MOK: variants seen among roughly 807,000 people sequenced by gnomAD.
The protein encoded by MOK is MAPK/MAK/MRK overlapping kinase.
Under a neutral mutation model 54.2 loss-of-function variants are expected in MOK, and 59 were observed. The observed-to-expected ratio is 1.09, with a 90% confidence interval of 0.88 to 1.35. The LOEUF (loss-of-function observed/expected upper bound fraction) is 1.35, where lower values mean the gene tolerates loss of function less well. Ranked by LOEUF, MOK falls within the 40% of genes most tolerant of loss-of-function variation. The pLI is 0.00. For synonymous variants in MOK, 210 were observed against 202.7 expected (o/e 1.04, Z -0.31); for missense variants, 517 against 526.2 (o/e 0.98, Z 0.17).
chr14:102,303,560 A>G (rs967028944), intron 1 of MOK, among the ~76,000 whole-genome samples: 2 of 152,204 alleles, frequency 1.3e-5, no homozygotes, highest in Admixed American at 6.5e-5. Flanking sequence ...AATATAAACA[A>G]CTATAACACA....
At chr14:102,234,036 T>TTCCCCAATATAAACCCCTCAA (rs2064990974) in intron 7 of MOK, 1 of 419,716 alleles carries the variant, frequency 2.4e-6, no homozygotes, top group Non-Finnish European at 4.3e-6. Context: ...TCAAACTCCC[T>TTCCCCAATATAAACCCCTCAA]TCCCCAATAT....
At chr14:102,300,297 C>G (rs532748569) in intron 1 of MOK, among the ~76,000 whole-genome samples, 53 of 139,316 alleles carry the variant, frequency 3.8e-4, no homozygotes, top group Middle Eastern at 8.2e-3. Context: ...GGACTCCAGC[C>G]TAGGCAACAG....
At chr14:102,278,381 T>TA (rs71305084) in intron 2 of MOK, among the ~76,000 whole-genome samples, 21,394 of 132,656 alleles carry the variant, frequency 0.16, 2,248 homozygotes, top group African/African-American at 0.33. Context: ...TACTTTTAAG[T>TA]AAAAAAAAAA....
At chr14:102,228,249 C>CA (rs1196052658), downstream of MOK, among the ~76,000 whole-genome samples, 1 of 152,240 alleles carries the variant, frequency 6.6e-6, no homozygotes, top group Admixed American at 6.5e-5. Flanking sequence ...GCTAAAATGA[C>CA]AACGTGGTCA....
At chr14:102,225,115 A>C (rs941626578), downstream of MOK, 4 of 275,582 alleles carry the variant, frequency 1.5e-5, no homozygotes, top group Non-Finnish European at 2.8e-5. Flanking sequence ...GGCTGGAATG[A>C]AGTGGTGCGA....
intron 7 of MOK, among the ~76,000 whole-genome samples, chr14:102,247,073 C>T (rs2066150193): frequency 6.6e-6 from 1 of 152,154 alleles, no homozygotes. Flanking sequence ...TCTCCATGCA[C>T]CATCCCTGCA....
Position 102,245,978 on chromosome 14 carries a change from G to A in MOK, c.590+4834C>T, listed in dbSNP as rs1490376261. ...CAGTAAATCCATCCATCTCAAACAG[G>A]TTTAAAGTACTATTACAACTAGCCT... is the stretch of plus-strand genomic sequence containing the variant. On this transcript the variant is annotated intron_variant, in intron 7 of 11. Transcript: ENST00000361847. This position sits in a 1 kb window ranked among gnomAD's most constrained non-coding sequence, Gnocchi z 4.3. 1 of 152,690 alleles carries A rather than the reference G, an allele frequency of 6.5e-6. No homozygotes were observed. Among genetic ancestry groups the A allele is most frequent in the African/African-American group, 2.4e-5 (1 of 41,366 alleles). 9.5% of individuals were successfully genotyped at this position (152,690 alleles called of 1,614,324 possible).
At position 102,231,740 on chromosome 14, in the gene MOK, G is replaced by A. The variant is rs2064734195; in HGVS notation, c.948C>T (p.Asn316=). The stretch of plus-strand genomic sequence containing the variant: ...TGCCCTCCTTGGAAATCTGGCAGCT[G>A]TTACTGAGTGGTTCCGGTGCCACAG... ...EHPVAPEPLS[N]SCQISKEGRK... Residue 316 remains asparagine, a synonymous_variant, in exon 10 of 12, where the codon AAC becomes AAT. Transcript: ENST00000361847. This position sits in a 1 kb window ranked among gnomAD's most constrained non-coding sequence, Gnocchi z 4.4. The A allele has an allele frequency of 5.6e-6, 9 of 1,611,972 alleles. No homozygotes were observed. Among genetic ancestry groups the A allele is most frequent in the Non-Finnish European group, 7.6e-6 (9 of 1,179,492 alleles).
At chr14:102,255,608 G>A (rs1257217452) in intron 4 of MOK, among the ~76,000 whole-genome samples, 2 of 152,138 alleles carry the variant, frequency 1.3e-5, no homozygotes, top group Non-Finnish European at 2.9e-5. Context: ...CCAGTAGTCT[G>A]AAGTGCTGGA....
At chr14:102,219,044 G>A in the MOK span, among the ~76,000 whole-genome samples, 1 of 152,216 alleles carries the variant, frequency 6.6e-6, no homozygotes, top group Admixed American at 6.5e-5. Context: ...CAGGGTCCCT[G>A]TCACCGGGAG....
chr14:102,286,889 A>G (rs2070165347), intron 1 of MOK, among the ~76,000 whole-genome samples: 1 of 150,692 alleles, frequency 6.6e-6, no homozygotes, highest in African/African-American at 2.5e-5. Flanking sequence ...CAGCCTGGGC[A>G]ACAAAGTGAG....
intron 2 of MOK, among the ~76,000 whole-genome samples, chr14:102,275,399 T>C (rs1022199454): frequency 2.0e-5 from 3 of 151,598 alleles, no homozygotes; most frequent in East Asian, 1.9e-4. Context: ...CCCGTCTCTA[T>C]TAAAAATACA....
chr14:102,292,215 T>C (rs866639051), intron 1 of MOK, among the ~76,000 whole-genome samples: 1 of 152,274 alleles, frequency 6.6e-6, no homozygotes, highest in Middle Eastern at 3.4e-3. Flanking sequence ...GGCTCATGCC[T>C]GTAATCCTAG....
intron 1 of MOK, among the ~76,000 whole-genome samples, chr14:102,295,941 G>A (rs1042041322): frequency 6.6e-6 from 1 of 152,142 alleles, no homozygotes; most frequent in African/African-American, 2.4e-5. Flanking sequence ...TTCATGACCA[G>A]CCTGGTCAAC....
intron 7 of MOK, among the ~76,000 whole-genome samples, chr14:102,246,815 C>T (rs2066129891): frequency 6.6e-6 from 1 of 152,172 alleles, no homozygotes; most frequent in African/African-American, 2.4e-5. Flanking sequence ...TTATCCTATC[C>T]AGCACCACTG....
intron 1 of MOK, among the ~76,000 whole-genome samples, chr14:102,291,294 A>G (rs1405193805): frequency 1.3e-5 from 2 of 152,252 alleles, no homozygotes; most frequent in African/African-American, 2.4e-5. Flanking sequence ...TCTTTGGTGC[A>G]TCTCCAAGAA....
chr14:102,237,621 C>T (rs991507882), intron 7 of MOK, among the ~76,000 whole-genome samples: 1 of 152,216 alleles, frequency 6.6e-6, no homozygotes, highest in African/African-American at 2.4e-5. Context: ...AACTTCAAAC[C>T]GCTCTTGTCA....
downstream of MOK, among the ~76,000 whole-genome samples, chr14:102,221,373 C>T (rs1021045514): frequency 1.3e-5 from 2 of 152,170 alleles, no homozygotes; most frequent in South Asian, 2.1e-4. This position sits in a 1 kb window ranked among gnomAD's most constrained non-coding sequence, Gnocchi z 4.8. Context: ...TCTTAGGGTG[C>T]GCGTGGTGAT....
intron 1 of MOK, among the ~76,000 whole-genome samples, chr14:102,304,141 C>T (rs1193011730): frequency 6.6e-6 from 1 of 152,314 alleles, no homozygotes; most frequent in East Asian, 1.9e-4. Flanking sequence ...ATGCAATGTA[C>T]ACCATTGACA....
Sources: allele counts gnomAD v4.1 joint callset (sites outside exome capture counted in the v4.1 genomes callset), GRCh38; gene constraint gnomAD v4.1.1; non-coding constraint Gnocchi (gnomAD v3.1); transcripts MANE v1.5; gene names NCBI Gene and HGNC (gene_info 2026-07-23, HGNC 2026-07-21).